Variants in PRIM2 observed in about 807,000 individuals in gnomAD.
PRIM2 encodes the protein DNA primase subunit 2, also known as DNA primase large subunit.
PRIM2 carries 39 observed loss-of-function variants against 67.3 expected under a neutral mutation model. The observed-to-expected ratio is 0.58, with a 90% confidence interval of 0.45 to 0.76. PRIM2 has a LOEUF of 0.76. Among genes scored for constraint, PRIM2 ranks in the 30% least tolerant of loss-of-function variants. PRIM2 has a pLI of 0.00. For synonymous variants in PRIM2, 143 were observed against 198.7 expected (o/e 0.72, Z 2.36); for missense variants, 398 against 598.7 (o/e 0.66, Z 3.50).
chr6:57,558,106 T>A lies in PRIM2; in HGVS notation c.1020+20481T>A, dbSNP rs1224147788. ...CCAGTTATTTGCCATGTGACTTTGG[T>A]TAAGTCAGCCTCTCTGGACTTAGTT... On this transcript the variant is annotated intron_variant, in intron 10 of 13. Transcript: ENST00000615550. Among the ~76,000 whole-genome samples, 24 of 152,146 alleles carry A rather than the reference T, an allele frequency of 1.6e-4. 1 individual carries two copies.
At chr6:57,262,227 C>G in the PRIM2 span, among the ~76,000 whole-genome samples, 1 of 152,122 alleles carries the variant, frequency 6.6e-6, no homozygotes, top group African/African-American at 2.4e-5. Flanking sequence ...CGTTTTCTTG[C>G]TGGTAAAGTG....
intron 10 of PRIM2, among the ~76,000 whole-genome samples, chr6:57,554,437 T>G (rs1310521743): frequency 3.3e-5 from 5 of 149,430 alleles, no homozygotes; most frequent in Non-Finnish European, 7.4e-5. Flanking sequence ...GAATTAATTT[T>G]AGTACACTAG....
chr6:57,338,403 C>A (rs1768346458), intron 5 of PRIM2, among the ~76,000 whole-genome samples: 1 of 151,646 alleles, frequency 6.6e-6, no homozygotes, highest in African/African-American at 2.4e-5. Flanking sequence ...GAGACACAAC[C>A]AAAAAAGAGA....
chr6:57,416,956 ACTTT>A (rs1344184192), intron 7 of PRIM2, among the ~76,000 whole-genome samples: 2 of 141,982 alleles, frequency 1.4e-5, no homozygotes, highest in Non-Finnish European at 3.0e-5. Flanking sequence ...GCTTCACTTC[ACTTT>A]CTTCTTTTTT....
intron 5 of PRIM2, among the ~76,000 whole-genome samples, chr6:57,369,460 T>C (rs980327): frequency 0.41 from 62,917 of 152,028 alleles, 13,794 homozygotes; most frequent in South Asian, 0.56. Flanking sequence ...ATTTGAAACA[T>C]TCAGGTACTG....
rs1254692332 is a variant in PRIM2, at chr6:57,489,200, G to A, written c.694-18187G>A. On this transcript the variant is annotated intron_variant, in intron 7 of 13. Coordinates refer to ENST00000615550, the MANE Select transcript of PRIM2 (RefSeq NM_000947.5). ...AATTATTCTTAATTATTGGTTATTAGTCTGGCAACTGTATTTGAGATTTGT... is the reference window on the plus strand; with the variant it reads ...AATTATTCTTAATTATTGGTTATTAATCTGGCAACTGTATTTGAGATTTGT... 6.2e-3 allele frequency among the ~76,000 whole-genome samples: 940 copies of A among 152,368 alleles called. 2 individuals carry two copies. Among genetic ancestry groups the A allele is most frequent in the Non-Finnish European group, 9.3e-3 (635 of 68,034 alleles).
At chr6:57,317,826 G>T (rs1463073381) in intron 1 of PRIM2, 125 bp downstream of exon 1, 1 of 152,944 alleles carries the variant, frequency 6.5e-6, no homozygotes, top group Non-Finnish European at 1.5e-5. Context: ...TTGGCGGGTT[G>T]GTTGTTTGGG....
intron 7 of PRIM2, among the ~76,000 whole-genome samples, chr6:57,403,319 C>T (rs146361907): frequency 1.2e-4 from 17 of 146,624 alleles, no homozygotes; most frequent in South Asian, 4.3e-4. Flanking sequence ...TGCAGTGGCG[C>T]GAACTCGGCT....
chr6:57,283,719 G>A, the PRIM2 span, among the ~76,000 whole-genome samples: 1 of 151,922 alleles, frequency 6.6e-6, no homozygotes, highest in African/African-American at 2.4e-5. Context: ...AACAATATTT[G>A]GTATTATTTG....
chr6:57,485,714 A>G (rs1339830541), intron 7 of PRIM2, among the ~76,000 whole-genome samples: 1 of 152,216 alleles, frequency 6.6e-6, no homozygotes, highest in Non-Finnish European at 1.5e-5. Flanking sequence ...CTATCCACTT[A>G]TCTGGTTGGC....
At chr6:57,564,346 A>G (rs1298107256) in intron 10 of PRIM2, among the ~76,000 whole-genome samples, 7 of 152,204 alleles carry the variant, frequency 4.6e-5, no homozygotes, top group Non-Finnish European at 8.8e-5. Context: ...CATGGAGGAA[A>G]TTCCAGCCTT....
At chr6:57,565,910 C>G (rs1775729050) in intron 10 of PRIM2, among the ~76,000 whole-genome samples, 1 of 152,162 alleles carries the variant, frequency 6.6e-6, no homozygotes, top group South Asian at 2.1e-4. Context: ...TCCGATTTCT[C>G]CAATTGCTTA....
chr6:57,542,852 C>G (rs1430004600), intron 10 of PRIM2, among the ~76,000 whole-genome samples: 1 of 150,432 alleles, frequency 6.6e-6, no homozygotes, highest in Non-Finnish European at 1.5e-5. Flanking sequence ...CTAATTGAAC[C>G]ATTGTATCTA....
intron 5 of PRIM2, among the ~76,000 whole-genome samples, chr6:57,361,610 A>G (rs1410071755): frequency 1.3e-5 from 2 of 150,250 alleles, no homozygotes; most frequent in Non-Finnish European, 3.0e-5. Context: ...ATTGATAAAA[A>G]GTGTGCTTTC....
intron 7 of PRIM2, among the ~76,000 whole-genome samples, chr6:57,403,854 G>T (rs1770796992): frequency 6.6e-6 from 1 of 151,560 alleles, no homozygotes; most frequent in African/African-American, 2.4e-5. Flanking sequence ...GTCTTAGTTT[G>T]GGCTGCTGTA....
At chr6:57,614,707 G>A (rs1299354680) in intron 12 of PRIM2, among the ~76,000 whole-genome samples, 2 of 152,186 alleles carry the variant, frequency 1.3e-5, no homozygotes, top group East Asian at 1.9e-4. Flanking sequence ...AAAATTAGCC[G>A]GGCGTGCTAG....
At chr6:57,514,448 C>G (rs2127461915) in intron 8 of PRIM2, among the ~76,000 whole-genome samples, 1 of 152,130 alleles carries the variant, frequency 6.6e-6, no homozygotes, top group South Asian at 2.1e-4. Flanking sequence ...CCTCATTAGC[C>G]TGGTCCACAT....
chr6:57,360,744 C>G (rs1769168087), intron 5 of PRIM2, among the ~76,000 whole-genome samples: 1 of 152,176 alleles, frequency 6.6e-6, no homozygotes, highest in South Asian at 2.1e-4. Flanking sequence ...CATCAAAATT[C>G]TCTTTTAAGT....
Position 57,481,912 on chromosome 6 carries a change from A to AT in PRIM2, c.694-25468dup, listed in dbSNP as rs1223753290. 3.3e-5 allele frequency among the ~76,000 whole-genome samples: 5 copies of AT among 152,046 alleles called. 1 individual carries two copies. Among genetic ancestry groups the AT allele is most frequent in the Admixed American group, 2.0e-4 (3 of 15,262 alleles). On this transcript the variant is annotated intron_variant, in intron 7 of 13. Coordinates refer to ENST00000615550, the MANE Select transcript of PRIM2 (RefSeq NM_000947.5). Reference sequence around the variant, plus strand: ...TTAGAAACAGACATGATTCGGGATGATTTTTTTCCTGGCTTACATGAGGAG... The same window carrying AT: ...TTAGAAACAGACATGATTCGGGATGATTTTTTTTCCTGGCTTACATGAGGAG...
Sources: allele counts gnomAD v4.1 joint callset (sites outside exome capture counted in the v4.1 genomes callset), GRCh38; gene constraint gnomAD v4.1.1; transcripts MANE v1.5; gene names NCBI Gene and HGNC (gene_info 2026-07-23, HGNC 2026-07-21).